MLLT3: variants seen among roughly 807,000 people sequenced by gnomAD.
MLLT3 encodes the protein protein AF-9.
A neutral mutation model predicts 53.2 loss-of-function variants in MLLT3; 4 were observed. The ratio of observed to expected loss-of-function variants is 0.08; its 90% CI spans 0.04 to 0.17. The LOEUF is 0.17. MLLT3 is among the 10% of genes least tolerant of loss of function. The pLI is 1.00. For missense variants in MLLT3, 569 were observed against 684.0 expected (o/e 0.83, Z 1.87); for synonymous variants, 283 against 230.6 (o/e 1.23, Z -2.06).
chr9:20,353,486 A>C, intron 10 of MLLT3, 39 bp downstream of exon 10: 1 of 1,572,182 alleles, frequency 6.4e-7, no homozygotes, highest in Non-Finnish European at 8.8e-7. Context: ...CCAAGTCTTG[A>C]AGTTTCTGGA....
At chr9:20,578,828 CA>C (rs1207696244) in intron 2 of MLLT3, among the ~76,000 whole-genome samples, 1 of 151,504 alleles carries the variant, frequency 6.6e-6, no homozygotes, top group Non-Finnish European at 1.5e-5. Flanking sequence ...AAGGCTTCAC[CA>C]AAAAAAGTGA....
At chr9:20,399,008 C>T (rs1331437404) in intron 5 of MLLT3, among the ~76,000 whole-genome samples, 2 of 152,108 alleles carry the variant, frequency 1.3e-5, no homozygotes, top group Non-Finnish European at 2.9e-5. Flanking sequence ...AGGGGCTGCC[C>T]GGGCAGGTAA....
chr9:20,596,785 A>T (rs1820280966), intron 2 of MLLT3, among the ~76,000 whole-genome samples: 1 of 152,242 alleles, frequency 6.6e-6, no homozygotes, highest in African/African-American at 2.4e-5. Flanking sequence ...GGTCCCTTGC[A>T]ATTACACATT....
chr9:20,486,304 A>G (rs1824811017), intron 2 of MLLT3, among the ~76,000 whole-genome samples: 2 of 152,140 alleles, frequency 1.3e-5, no homozygotes, highest in African/African-American at 4.8e-5. Context: ...AAAGGGCCCC[A>G]TTTATAAAAG....
intron 2 of MLLT3, among the ~76,000 whole-genome samples, chr9:20,509,872 A>AT (rs944346119): frequency 9.7e-4 from 146 of 149,756 alleles, no homozygotes; most frequent in Non-Finnish European, 1.6e-3. Context: ...TACAATTATT[A>AT]TTTTTTTTTT....
chr9:20,481,532 G>A (rs1824662119), intron 2 of MLLT3, among the ~76,000 whole-genome samples: 1 of 152,060 alleles, frequency 6.6e-6, no homozygotes, highest in Non-Finnish European at 1.5e-5. Context: ...AGGGGATGGG[G>A]GTTCCTAGAA....
At chr9:20,572,554 A>T (rs1047289511) in intron 2 of MLLT3, among the ~76,000 whole-genome samples, 2 of 152,170 alleles carry the variant, frequency 1.3e-5, no homozygotes, top group Non-Finnish European at 2.9e-5. Context: ...AGCACTTTGG[A>T]AGGCCGAGGC....
intron 2 of MLLT3, among the ~76,000 whole-genome samples, chr9:20,600,587 T>C (rs1820396798): frequency 6.6e-6 from 1 of 152,210 alleles, no homozygotes; most frequent in South Asian, 2.1e-4. Context: ...ATTTCCCGAT[T>C]AAGGAACCCA....
At chr9:20,450,163 G>A (rs1441569102) in intron 3 of MLLT3, among the ~76,000 whole-genome samples, 1 of 152,136 alleles carries the variant, frequency 6.6e-6, no homozygotes, top group Admixed American at 6.5e-5. Context: ...ATTCCCAACT[G>A]TTACTTCTTC....
At chr9:20,543,852 A>G (rs1040062249) in intron 2 of MLLT3, among the ~76,000 whole-genome samples, 1 of 152,224 alleles carries the variant, frequency 6.6e-6, no homozygotes, top group Non-Finnish European at 1.5e-5. Context: ...TATTGGAAAA[A>G]TGGTGCCAAT....
intron 10 of MLLT3, among the ~76,000 whole-genome samples, chr9:20,351,140 A>G (rs1005175090): frequency 4.6e-5 from 7 of 152,222 alleles, no homozygotes; most frequent in African/African-American, 1.7e-4. Context: ...CCCAGGATGG[A>G]GAACATCATT....
intron 2 of MLLT3, among the ~76,000 whole-genome samples, chr9:20,565,910 AT>A (rs1210636307): frequency 8.4e-6 from 1 of 119,308 alleles, no homozygotes; most frequent in East Asian, 2.9e-4. Context: ...CAAGGAAAAA[AT>A]ATATATATAT....
intron 2 of MLLT3, among the ~76,000 whole-genome samples, chr9:20,499,809 A>G (rs1247539236): frequency 2.6e-5 from 4 of 152,184 alleles, no homozygotes; most frequent in Non-Finnish European, 5.9e-5. Flanking sequence ...ATCCTCCTGT[A>G]GTCCCAGCTA....
chr9:20,430,556 T>C (rs1823241208), intron 4 of MLLT3, among the ~76,000 whole-genome samples: 1 of 152,146 alleles, frequency 6.6e-6, no homozygotes, highest in South Asian at 2.1e-4. Flanking sequence ...GCTGGTTTCC[T>C]ATATAGGAAA....
At chr9:20,517,414 GT>G (rs1454298307) in intron 2 of MLLT3, among the ~76,000 whole-genome samples, 1 of 150,318 alleles carries the variant, frequency 6.7e-6, no homozygotes, top group African/African-American at 2.5e-5. Context: ...AGGAACCAAG[GT>G]TTTTTAGGGT....
chr9:20,406,524 G>T (rs909137359), intron 5 of MLLT3, among the ~76,000 whole-genome samples: 2 of 152,080 alleles, frequency 1.3e-5, no homozygotes, highest in African/African-American at 4.8e-5. Context: ...AAAAAAATAG[G>T]AGTGTCACAT....
At chr9:20,537,267 G>C (rs1818513011) in intron 2 of MLLT3, among the ~76,000 whole-genome samples, 1 of 152,144 alleles carries the variant, frequency 6.6e-6, no homozygotes, top group South Asian at 2.1e-4. Context: ...ACTACATACA[G>C]AATAGAATGT....
intron 2 of MLLT3, among the ~76,000 whole-genome samples, chr9:20,580,807 A>G (rs1482483598): frequency 6.6e-6 from 1 of 152,210 alleles, no homozygotes; most frequent in Non-Finnish European, 1.5e-5. Flanking sequence ...CTAATCATAC[A>G]CAGCAATGTG....
chr9:20,595,176 G>T, intron 2 of MLLT3, among the ~76,000 whole-genome samples: 1 of 152,060 alleles, frequency 6.6e-6, no homozygotes, highest in Non-Finnish European at 1.5e-5. Context: ...AGGCAACAAA[G>T]TGAGATCTCC....
Sources: allele counts gnomAD v4.1 joint callset (sites outside exome capture counted in the v4.1 genomes callset), GRCh38; gene constraint gnomAD v4.1.1; transcripts MANE v1.5; gene names NCBI Gene and HGNC (gene_info 2026-07-23, HGNC 2026-07-21).